HIRA: variants seen among roughly 807,000 people sequenced by gnomAD.
HIRA encodes the protein histone cell cycle regulator, also known as protein HIRA.
A neutral mutation model predicts 126.6 loss-of-function variants in HIRA; 13 were observed. The ratio of observed to expected loss-of-function variants is 0.10; its 90% CI spans 0.07 to 0.16. The LOEUF (loss-of-function observed/expected upper bound fraction) is 0.16. HIRA is among the 10% of genes least tolerant of loss of function. The probability of loss-of-function intolerance (pLI) is 1.00; values close to 1 mark genes in which losing one functional copy is unlikely to be tolerated. For missense variants in HIRA, 834 were observed against 1,314.4 expected (o/e 0.63, Z 5.65); for synonymous variants, 511 against 520.0 (o/e 0.98, Z 0.24).
intron 24 of HIRA, among the ~76,000 whole-genome samples, chr22:19,333,744 G>T (rs937106869): frequency 2.3e-4 from 35 of 152,200 alleles, no homozygotes; most frequent in African/African-American, 8.4e-4. Flanking sequence ...ATGGTGTCTG[G>T]TAAGTCTCTT....
chr22:19,350,999 T>C (rs1209589292), intron 24 of HIRA: 4 of 293,236 alleles, frequency 1.4e-5, no homozygotes, highest in African/African-American at 2.3e-5. Context: ...TGAAAATATT[T>C]TGTTGACCTA....
At chr22:19,379,658 C>CTT (rs200202102) in intron 13 of HIRA, among the ~76,000 whole-genome samples, 11 of 122,438 alleles carry the variant, frequency 9.0e-5, no homozygotes, top group South Asian at 2.9e-4. Flanking sequence ...TACTTGATTT[C>CTT]TTTTTTTTTT....
intron 1 of HIRA, among the ~76,000 whole-genome samples, chr22:19,420,501 A>G (rs1305058101): frequency 6.6e-6 from 1 of 151,058 alleles, no homozygotes; most frequent in Admixed American, 6.6e-5. Context: ...AACAAAAAAC[A>G]AACAAACAAA....
At chr22:19,361,501 G>C (rs561929896) in intron 16 of HIRA, among the ~76,000 whole-genome samples, 160 bp from the exon 17 acceptor site, 24 of 152,340 alleles carry the variant, frequency 1.6e-4, no homozygotes, top group Admixed American at 1.5e-3. Flanking sequence ...CTAACCTCAT[G>C]GACAAGCCAG....
intron 24 of HIRA, among the ~76,000 whole-genome samples, chr22:19,335,247 C>CTT (rs112049352): frequency 1.4e-5 from 2 of 145,020 alleles, no homozygotes; most frequent in South Asian, 2.2e-4. Flanking sequence ...AACTTTTTGA[C>CTT]TTTTTTTTTT....
chr22:19,390,338 A>G (rs946016284), intron 9 of HIRA, among the ~76,000 whole-genome samples: 14 of 152,184 alleles, frequency 9.2e-5, no homozygotes, highest in Non-Finnish European at 1.9e-4. Context: ...CACACCTGTA[A>G]TCCCAGTACT....
chr22:19,354,243 T>A (rs2088788297), intron 21 of HIRA, 125 bp from the exon 22 acceptor site: 1 of 981,248 alleles, frequency 1.0e-6, no homozygotes, highest in Non-Finnish European at 1.5e-6. Flanking sequence ...AGAAAGCCAG[T>A]AGAGGCTGAG....
Position 19,359,505 on chromosome 22 carries a change from G to A in HIRA, c.2086-21C>T. 1.9e-6 allele frequency: 3 copies of A among 1,580,118 alleles called. No homozygotes were observed. In the South Asian group the frequency reaches 3.5e-5, roughly 18 times the overall value. On this transcript the variant is annotated intron_variant, in intron 17 of 24. Transcript: ENST00000263208. ...CTGACCTGGATGAAGTAAACACACGGGTCTGCTCAGACAAGGGCCGCAGCC... is the reference window on the plus strand; with the variant it reads ...CTGACCTGGATGAAGTAAACACACGAGTCTGCTCAGACAAGGGCCGCAGCC...
intron 1 of HIRA, among the ~76,000 whole-genome samples, chr22:19,430,553 A>T (rs961602355): frequency 6.6e-6 from 1 of 151,250 alleles, no homozygotes; most frequent in African/African-American, 2.4e-5. Flanking sequence ...GCCTGTCAAC[A>T]GTCAGACAGG....
chr22:19,400,718 A>G (rs977067030), intron 5 of HIRA, among the ~76,000 whole-genome samples: 4 of 151,988 alleles, frequency 2.6e-5, no homozygotes. Flanking sequence ...CACTGTTCTC[A>G]CCATCATTCT....
At chr22:19,375,504 T>C in intron 15 of HIRA, 127 bp downstream of exon 15, 2 of 934,428 alleles carry the variant, frequency 2.1e-6, no homozygotes, top group Non-Finnish European at 3.2e-6. Context: ...CTTGCTCCCA[T>C]GTATTGAGTG....
intron 1 of HIRA, among the ~76,000 whole-genome samples, chr22:19,422,500 T>G (rs1601862512): frequency 6.6e-6 from 1 of 152,134 alleles, no homozygotes; most frequent in Non-Finnish European, 1.5e-5. Flanking sequence ...TCTGCTCCCC[T>G]TGCAGTGAGA....
chr22:19,349,381 G>A (rs2088729356), intron 24 of HIRA, among the ~76,000 whole-genome samples: 1 of 152,180 alleles, frequency 6.6e-6, no homozygotes, highest in Admixed American at 6.5e-5. Context: ...GGGATTACAG[G>A]CATGAGCCAC....
chr22:19,348,645 G>T (rs556396817), intron 24 of HIRA, among the ~76,000 whole-genome samples: 18 of 151,784 alleles, frequency 1.2e-4, no homozygotes, highest in South Asian at 2.1e-4. Context: ...ACAGGTGCCC[G>T]CCACCATGCC....
chr22:19,342,517 GCTGGGA>G lies in HIRA; in HGVS notation c.2937+8835_2937+8840del, dbSNP rs1290318640. ...TTCTCCTGCCTCAGCCTCCTGAGTA[GCTGGGA>G]CTATAGGCATGCGCCACCATGGTTG... On this transcript the variant is annotated intron_variant, in intron 24 of 24. Transcript: ENST00000263208. Among the ~76,000 whole-genome samples, 41 of 152,298 alleles carry G rather than the reference GCTGGGA, an allele frequency of 2.7e-4. 1 individual carries two copies. Among genetic ancestry groups the G allele is most frequent in the Non-Finnish European group, 2.6e-4 (18 of 68,024 alleles).
chr22:19,354,123 G>A lies in HIRA; in HGVS notation c.2562-5C>T. 1 of 1,612,138 alleles carries A rather than the reference G, an allele frequency of 6.2e-7. No homozygotes were observed. The highest frequency in any genetic ancestry group is 8.5e-7 in the Non-Finnish European group (1 of 1,179,126). On this transcript the variant is annotated splice_polypyrimidine_tract_variant and splice_region_variant and intron_variant, in intron 21 of 24. Transcript: ENST00000263208. ...TGCTTGTCAGAAACCAGGTTCCTGGGGAGGCAAAGGCAGGAGCAGAGCTCA... is the reference window on the plus strand; with the variant it reads ...TGCTTGTCAGAAACCAGGTTCCTGGAGAGGCAAAGGCAGGAGCAGAGCTCA...
chr22:19,391,927 C>A (rs960750824), intron 9 of HIRA, among the ~76,000 whole-genome samples, 174 bp downstream of exon 9: 1 of 152,214 alleles, frequency 6.6e-6, no homozygotes, highest in Non-Finnish European at 1.5e-5. Context: ...CAGTCTTCAG[C>A]ACTTCCTTCT....
intron 9 of HIRA, among the ~76,000 whole-genome samples, chr22:19,391,518 G>C (rs1163935963): frequency 7.1e-6 from 1 of 140,466 alleles, no homozygotes; most frequent in African/African-American, 2.7e-5. Flanking sequence ...GTCTCGCTCT[G>C]TTGCCCAGGC....
rs942112567 is a variant in HIRA, at chr22:19,429,372, G to A, written c.37+2068C>T. 1.1e-4 allele frequency among the ~76,000 whole-genome samples: 16 copies of A among 152,008 alleles called. No individual in the cohort carries two copies. The East Asian group carries it at 1.7e-3, about 16-fold the overall frequency. On this transcript the variant is annotated intron_variant, in intron 1 of 24. Transcript: ENST00000263208. ...AGGATGGTCTCGATCTCTTGACCTC[G>A]TGATCCACCTGCCTCAGCCTCCCAA...
Sources: gnomAD v4.1 joint callset for allele counts (sites outside exome capture counted in the v4.1 genomes callset) on GRCh38, gnomAD v4.1.1 for gene constraint, MANE v1.5 for transcripts, NCBI Gene and HGNC (gene_info 2026-07-23, HGNC 2026-07-21) for gene names.